The following TMEM132D variants were observed in gnomAD, a reference collection of about 807,000 sequenced individuals.
The protein encoded by TMEM132D is transmembrane protein 132D.
Under a neutral mutation model 62.3 loss-of-function variants are expected in TMEM132D, and 21 were observed. That is an observed-to-expected ratio of 0.34 (90% CI 0.24 to 0.49). TMEM132D has a LOEUF of 0.49. TMEM132D is among the 20% of genes least tolerant of loss of function. The pLI is 0.99. For synonymous variants in TMEM132D, 621 were observed against 575.6 expected (o/e 1.08, Z -1.13); for missense variants, 1,346 against 1,402.8 (o/e 0.96, Z 0.65).
chr12:129,236,254 C>T (rs189862886), intron 4 of TMEM132D, among the ~76,000 whole-genome samples: 9 of 151,698 alleles, frequency 5.9e-5, no homozygotes, highest in Admixed American at 1.3e-4. Context: ...CAGTGGCTCA[C>T]GCTTGTTATC....
intron 4 of TMEM132D, among the ~76,000 whole-genome samples, chr12:129,230,581 T>C (rs898065655): frequency 2.0e-5 from 3 of 152,238 alleles, no homozygotes; most frequent in African/African-American, 7.2e-5. Context: ...GTCTACAGGA[T>C]GGGGTGAAGC....
intron 1 of TMEM132D, among the ~76,000 whole-genome samples, chr12:129,771,790 G>A (rs1251742357): frequency 6.6e-6 from 1 of 152,208 alleles, no homozygotes; most frequent in Non-Finnish European, 1.5e-5. Flanking sequence ...GAGAATTCAG[G>A]TAAACCTGTC....
At chr12:129,637,058 T>C (rs946340781) in intron 2 of TMEM132D, among the ~76,000 whole-genome samples, 3 of 152,172 alleles carry the variant, frequency 2.0e-5, no homozygotes, top group African/African-American at 7.2e-5. Context: ...GCATGCTAAA[T>C]TTCCAGTCAA....
chr12:129,320,558 C>T lies in TMEM132D; in HGVS notation c.1299+17076G>A, dbSNP rs192316851. On this transcript the variant is annotated intron_variant, in intron 4 of 8. Coordinates refer to ENST00000422113, the MANE Select transcript of TMEM132D (RefSeq NM_133448.3). Reference sequence around the variant, plus strand: ...GGAAATGTAGGCAGGGGTTAGACCACGTAGGCTAGGTTTTGTTTGCCATGT... The same window carrying T: ...GGAAATGTAGGCAGGGGTTAGACCATGTAGGCTAGGTTTTGTTTGCCATGT... Among the ~76,000 whole-genome samples the T allele has an allele frequency of 3.0e-3, 461 of 152,234 alleles. 3 individuals are homozygous for T. The highest frequency in any genetic ancestry group is 0.01 in the African/African-American group (435 of 41,528).
chr12:129,480,943 C>G (rs940549371), intron 3 of TMEM132D, among the ~76,000 whole-genome samples: 1 of 152,084 alleles, frequency 6.6e-6, no homozygotes, highest in Non-Finnish European at 1.5e-5. Flanking sequence ...AACCCGGACC[C>G]CTTTGCTGGG....
intron 4 of TMEM132D, among the ~76,000 whole-genome samples, chr12:129,292,524 G>A (rs1015955263): frequency 6.6e-6 from 1 of 152,156 alleles, no homozygotes; most frequent in African/African-American, 2.4e-5. Flanking sequence ...AAGGAAAACA[G>A]ACTAGCTCAC....
chr12:129,446,348 T>C (rs1425508782), intron 3 of TMEM132D, among the ~76,000 whole-genome samples: 1 of 152,194 alleles, frequency 6.6e-6, no homozygotes, highest in East Asian at 1.9e-4. Flanking sequence ...TCAGGCTTTT[T>C]GCAACAGGTG....
chr12:129,701,912 G>A (rs1413720334), intron 1 of TMEM132D, among the ~76,000 whole-genome samples: 1 of 152,172 alleles, frequency 6.6e-6, no homozygotes, highest in Non-Finnish European at 1.5e-5. Flanking sequence ...GCAGTCATCC[G>A]CCAGCAGCTG....
chr12:129,678,281 T>C (rs2137205912), intron 2 of TMEM132D, among the ~76,000 whole-genome samples: 1 of 152,308 alleles, frequency 6.6e-6, no homozygotes, highest in South Asian at 2.1e-4. Context: ...ATATTATGGT[T>C]TCCTTTTTCC....
intron 6 of TMEM132D, 53 bp downstream of exon 6, chr12:129,084,444 C>T (rs2135619272): frequency 1.3e-6 from 2 of 1,499,866 alleles, no homozygotes; most frequent in South Asian, 1.4e-5. Context: ...CCAAATTTAC[C>T]ACCCCGTACA....
At chr12:129,631,125 C>CAG (rs1025511162) in intron 2 of TMEM132D, among the ~76,000 whole-genome samples, 1 of 152,102 alleles carries the variant, frequency 6.6e-6, no homozygotes, top group Non-Finnish European at 1.5e-5. Flanking sequence ...CAATGGGGTG[C>CAG]AGAGATGCTA....
chr12:129,144,353 T>C (rs1325046093), intron 5 of TMEM132D, among the ~76,000 whole-genome samples: 1 of 152,186 alleles, frequency 6.6e-6, no homozygotes, highest in Non-Finnish European at 1.5e-5. Context: ...AATGTCAAAA[T>C]GATTTCTAAC....
chr12:129,166,335 C>T (rs1362044039), intron 5 of TMEM132D, among the ~76,000 whole-genome samples: 2 of 152,176 alleles, frequency 1.3e-5, no homozygotes, highest in Non-Finnish European at 1.5e-5. Context: ...GTTTCGTCTC[C>T]GGCTACTGTT....
chr12:129,307,697 G>A (rs755126013), intron 4 of TMEM132D, among the ~76,000 whole-genome samples: 1 of 151,990 alleles, frequency 6.6e-6, no homozygotes, highest in Non-Finnish European at 1.5e-5. Flanking sequence ...CTTCCTTGTT[G>A]CTGTAACTGC....
intron 2 of TMEM132D, among the ~76,000 whole-genome samples, chr12:129,603,191 T>C (rs887937722): frequency 2.6e-4 from 40 of 152,174 alleles, no homozygotes; most frequent in Admixed American, 2.0e-3. Flanking sequence ...GGGTTCACAC[T>C]TGGTGTTACA....
intron 1 of TMEM132D, among the ~76,000 whole-genome samples, chr12:129,775,244 T>A (rs1870880539): frequency 6.6e-6 from 1 of 152,204 alleles, no homozygotes; most frequent in Non-Finnish European, 1.5e-5. Context: ...CTCTTTCCTA[T>A]CCATGCCACT....
rs2135658385 is a variant in TMEM132D at position 129,337,795 on chromosome 12, C to T, written c.1138G>A (p.Val380Ile). 1 of 1,611,718 alleles carries T rather than the reference C, an allele frequency of 6.2e-7. No individual in the cohort carries two copies. The highest frequency in any genetic ancestry group is 8.5e-7 in the Non-Finnish European group (1 of 1,178,524). Residue 380 changes from valine to isoleucine, a missense_variant, in exon 4 of 9, where the codon GTC (valine) becomes ATC (isoleucine). By Grantham distance (29) the Val-to-Ile change is conservative. Coordinates refer to ENST00000422113, the MANE Select transcript of TMEM132D (RefSeq NM_133448.3). Reference protein sequence around the residue: ...ENSADGASYEVMQIDVEVEEP... With the variant: ...ENSADGASYEIMQIDVEVEEP... ...TCCACCTCCACATCGATCTGCATGA[C>T]CTCGTAGGAGGCGCCATCCGCACTG...
intron 5 of TMEM132D, among the ~76,000 whole-genome samples, chr12:129,095,513 G>A (rs925650996): frequency 2.6e-5 from 4 of 151,952 alleles, no homozygotes; most frequent in Non-Finnish European, 4.4e-5. Context: ...CACCACAACC[G>A]GCTAATTTTT....
intron 3 of TMEM132D, among the ~76,000 whole-genome samples, chr12:129,499,610 C>T (rs1566089227): frequency 6.6e-6 from 1 of 152,136 alleles, no homozygotes; most frequent in Non-Finnish European, 1.5e-5. Flanking sequence ...CGTCCTAGGG[C>T]CCCAGTAATG....
Sources: gnomAD v4.1 joint callset for allele counts (sites outside exome capture counted in the v4.1 genomes callset) on GRCh38, gnomAD v4.1.1 for gene constraint, MANE v1.5 for transcripts, NCBI Gene and HGNC (gene_info 2026-07-23, HGNC 2026-07-21) for gene names.